EGFLAM: variants seen among roughly 807,000 people sequenced by gnomAD.
EGFLAM encodes the protein pikachurin.
In EGFLAM, 79 loss-of-function variants were observed where a neutral mutation model predicts 113.1. The ratio of observed to expected loss-of-function variants is 0.70; its 90% CI spans 0.58 to 0.84. The LOEUF is 0.84. EGFLAM is among the 40% of genes least tolerant of loss of function. The probability of loss-of-function intolerance (pLI) is 0.00; values close to 1 mark genes in which losing one functional copy is unlikely to be tolerated. For missense variants in EGFLAM, 1,265 were observed against 1,291.6 expected (o/e 0.98, Z 0.32); for synonymous variants, 504 against 487.6 (o/e 1.03, Z -0.44).
At chr5:38,356,631 C>G (rs1683078172) in intron 5 of EGFLAM, among the ~76,000 whole-genome samples, 1 of 152,208 alleles carries the variant, frequency 6.6e-6, no homozygotes, top group South Asian at 2.1e-4. Context: ...TTAGACCCAG[C>G]CTGCCCAGAG....
chr5:38,261,717 A>G (rs952869723), intron 1 of EGFLAM, among the ~76,000 whole-genome samples: 10 of 152,162 alleles, frequency 6.6e-5, no homozygotes, highest in African/African-American at 1.9e-4. Context: ...ACATTTGTAA[A>G]TGGGATCTGC....
At chr5:38,302,015 G>A (rs1048635675) in intron 1 of EGFLAM, among the ~76,000 whole-genome samples, 1 of 152,112 alleles carries the variant, frequency 6.6e-6, no homozygotes, top group Non-Finnish European at 1.5e-5. Flanking sequence ...CAAGGTGGGT[G>A]GATCACATGA....
At chr5:38,316,076 C>CA (rs199596625) in intron 1 of EGFLAM, among the ~76,000 whole-genome samples, 1,859 of 125,272 alleles carry the variant, frequency 0.015, 32 homozygotes, top group Non-Finnish European at 0.017. Context: ...GACTCTGTCC[C>CA]AAAAAAAAAA....
At chr5:38,369,429 G>A (rs894255339) in intron 5 of EGFLAM, among the ~76,000 whole-genome samples, 3 of 152,178 alleles carry the variant, frequency 2.0e-5, no homozygotes, top group African/African-American at 4.8e-5. Context: ...GATCATGCAG[G>A]TATAGAGTAA....
chr5:38,429,917 C>T lies in EGFLAM; in HGVS notation c.2055-1260C>T, dbSNP rs1467453480. The T allele has an allele frequency of 5.9e-5, 11 of 185,428 alleles. No homozygotes were observed. The South Asian group carries it at 1.3e-3, about 21-fold the overall frequency. The allele number at this position is 185,428 out of a possible 1,614,324, so 11.5% of individuals were successfully genotyped here. On this transcript the variant is annotated intron_variant, in intron 14 of 21. Coordinates refer to ENST00000322350, the MANE Select transcript of EGFLAM (RefSeq NM_152403.4). ...CTAAAACTGCAGCTTCTCAAAGAAC[C>T]ACTTGTTCTTGCCCATCTGTTCCTC...
chr5:38,292,709 T>G (rs772191728), intron 1 of EGFLAM, among the ~76,000 whole-genome samples: 2 of 152,194 alleles, frequency 1.3e-5, no homozygotes, highest in Non-Finnish European at 2.9e-5. Flanking sequence ...TATAAATAGC[T>G]GTAAGAAGAT....
chr5:38,384,714 G>A (rs1448491682), intron 6 of EGFLAM, among the ~76,000 whole-genome samples: 3 of 152,188 alleles, frequency 2.0e-5, no homozygotes, highest in Non-Finnish European at 4.4e-5. Flanking sequence ...AGAAAGTTTG[G>A]GGATCTGTAT....
chr5:38,458,939 C>A (rs1017545509), intron 20 of EGFLAM, among the ~76,000 whole-genome samples: 1 of 151,696 alleles, frequency 6.6e-6, no homozygotes, highest in Non-Finnish European at 1.5e-5. Context: ...TGCCATTGCA[C>A]TCCAGCCTGG....
intron 1 of EGFLAM, among the ~76,000 whole-genome samples, chr5:38,300,622 A>G (rs1758553297): frequency 6.6e-6 from 1 of 151,960 alleles, no homozygotes; most frequent in East Asian, 1.9e-4. Flanking sequence ...GTGATCACCC[A>G]CCTTGGCTTC....
intron 1 of EGFLAM, 150 bp downstream of exon 1, chr5:38,259,001 C>G: frequency 1.2e-6 from 1 of 837,874 alleles, no homozygotes; most frequent in Non-Finnish European, 1.8e-6. Flanking sequence ...TGAGAAAAGA[C>G]GCAAACCTCG....
At chr5:38,289,950 T>TTTTCTGGATTAGACTGTAG in intron 1 of EGFLAM, among the ~76,000 whole-genome samples, 1 of 152,358 alleles carries the variant, frequency 6.6e-6, no homozygotes, top group South Asian at 2.1e-4. Context: ...GTGAAGCACT[T>TTTTCTGGATTAGACTGTAG]ACTCTGTCAG....
At chr5:38,308,011 C>G (rs1758768330) in intron 1 of EGFLAM, among the ~76,000 whole-genome samples, 1 of 152,186 alleles carries the variant, frequency 6.6e-6, no homozygotes, top group African/African-American at 2.4e-5. Context: ...TGGGGAAGGC[C>G]TGGTTATTCC....
At chr5:38,436,155 T>C (rs1337539432) in intron 16 of EGFLAM, among the ~76,000 whole-genome samples, 1 of 152,134 alleles carries the variant, frequency 6.6e-6, no homozygotes, top group Non-Finnish European at 1.5e-5. Context: ...GCCCATGATC[T>C]CTGTGGTTAT....
intron 5 of EGFLAM, among the ~76,000 whole-genome samples, chr5:38,365,679 A>G (rs537299465): frequency 1.3e-5 from 2 of 152,176 alleles, no homozygotes; most frequent in Non-Finnish European, 2.9e-5. Context: ...AAAAGGAGAG[A>G]AAGAAAGGAG....
intron 1 of EGFLAM, among the ~76,000 whole-genome samples, chr5:38,316,111 G>A (rs918335576): frequency 2.0e-5 from 3 of 150,678 alleles, no homozygotes; most frequent in African/African-American, 7.4e-5. Flanking sequence ...ACAGAATCTG[G>A]TCCTTAAAGC....
At chr5:38,426,154 A>T (rs1246068397) in intron 13 of EGFLAM, among the ~76,000 whole-genome samples, 4 of 152,066 alleles carry the variant, frequency 2.6e-5, no homozygotes, top group Non-Finnish European at 5.9e-5. Context: ...TAACAATGTG[A>T]TGGGACAAAA....
intron 6 of EGFLAM, among the ~76,000 whole-genome samples, chr5:38,392,485 T>A (rs1740838195): frequency 1.3e-5 from 2 of 152,194 alleles, no homozygotes; most frequent in Non-Finnish European, 2.9e-5. Context: ...CTAATGGCAT[T>A]GCTGGGTTGA....
At chr5:38,293,687 A>T (rs573058138) in intron 1 of EGFLAM, among the ~76,000 whole-genome samples, 2 of 152,248 alleles carry the variant, frequency 1.3e-5, no homozygotes, top group African/African-American at 4.8e-5. Context: ...ATTATATAAA[A>T]ATTATGTAAT....
chr5:38,319,068 T>C (rs1228729088), intron 1 of EGFLAM, among the ~76,000 whole-genome samples: 1 of 152,062 alleles, frequency 6.6e-6, no homozygotes, highest in Admixed American at 6.6e-5. Context: ...ATATTAGGGG[T>C]AAATATCACC....
Sources: gnomAD v4.1 joint callset for allele counts (sites outside exome capture counted in the v4.1 genomes callset) on GRCh38, gnomAD v4.1.1 for gene constraint, MANE v1.5 for transcripts, NCBI Gene and HGNC (gene_info 2026-07-23, HGNC 2026-07-21) for gene names.